Variants in HDX observed in about 807,000 individuals in gnomAD.
The protein encoded by HDX is chromosome X open reading frame 43.
In HDX, 19 loss-of-function variants were observed where a neutral mutation model predicts 45.2. The observed-to-expected ratio is 0.42, with a 90% CI of 0.29 to 0.62. The LOEUF (loss-of-function observed/expected upper bound fraction) is 0.62. Ranked by LOEUF, HDX falls within the 20% of genes least tolerant of loss-of-function variation. HDX has a pLI of 0.20. For missense variants in HDX, 532 were observed against 493.9 expected, an observed-to-expected ratio of 1.08 and a Z score of -0.73; for synonymous variants, 188 against 172.8, an observed-to-expected ratio of 1.09 and a Z score of -0.69.
At chrX:84,369,799 T>C (rs181488103) in intron 5 of HDX, among the ~76,000 whole-genome samples, 31 of 112,231 alleles carry the variant, frequency 2.8e-4, no homozygotes, top group Middle Eastern at 4.6e-3. Flanking sequence ...GGGTTATTTG[T>C]TTTTGGTATT....
At chrX:84,482,944 C>T (rs1174732518) in intron 2 of HDX, among the ~76,000 whole-genome samples, 1 of 111,856 alleles carries the variant, frequency 8.9e-6, no homozygotes, top group Admixed American at 9.5e-5. Flanking sequence ...AATAAATGGG[C>T]TATAGGCCTC....
chrX:84,377,411 A>C (rs1411747080), intron 5 of HDX, among the ~76,000 whole-genome samples: 1 of 111,750 alleles, frequency 8.9e-6, no homozygotes, highest in African/African-American at 3.3e-5. Context: ...AATAAGACAC[A>C]AGGGACTAAT....
At chrX:84,361,392 C>A in intron 6 of HDX, 74 bp downstream of exon 6, 1 of 945,370 alleles carries the variant, frequency 1.1e-6, no homozygotes, top group Non-Finnish European at 1.5e-6. Context: ...CTTGGAGCAC[C>A]TCATGTAAGA....
chrX:84,409,030 G>A (rs145493356), intron 5 of HDX, among the ~76,000 whole-genome samples: 12,461 of 110,108 alleles, frequency 0.11, 628 homozygotes, highest in South Asian at 0.27. Context: ...TTACAAGAAA[G>A]AAACAAACAA....
intron 5 of HDX, among the ~76,000 whole-genome samples, chrX:84,372,609 T>C (rs2037923295): frequency 8.9e-6 from 1 of 112,368 alleles, no homozygotes; most frequent in South Asian, 3.6e-4. Flanking sequence ...GTGTAAGTTC[T>C]TTTTTGTTCT....
chrX:84,332,319 A>T (rs1050497392), intron 9 of HDX, among the ~76,000 whole-genome samples: 5 of 111,950 alleles, frequency 4.5e-5, no homozygotes, highest in African/African-American at 1.6e-4. Flanking sequence ...CATATTTAAA[A>T]AATCCCTAAT....
intron 5 of HDX, among the ~76,000 whole-genome samples, chrX:84,364,813 G>T (rs2037709726): frequency 9.0e-6 from 1 of 110,713 alleles, no homozygotes; most frequent in African/African-American, 3.3e-5. Context: ...GGTTCTATGA[G>T]TTTGACTATT....
At chrX:84,423,988 A>G (rs1175246983) in intron 5 of HDX, among the ~76,000 whole-genome samples, 2 of 111,502 alleles carry the variant, frequency 1.8e-5, no homozygotes, top group African/African-American at 3.3e-5. Flanking sequence ...GACAACAGAA[A>G]GATATAAAGG....
intron 5 of HDX, among the ~76,000 whole-genome samples, chrX:84,375,027 T>A (rs1161798509): frequency 9.5e-6 from 1 of 104,990 alleles, no homozygotes; most frequent in East Asian, 3.0e-4. Context: ...GAATCTACAA[T>A]GAACTCAAAC....
intron 5 of HDX, among the ~76,000 whole-genome samples, chrX:84,428,666 T>C (rs1367586829): frequency 1.8e-5 from 2 of 111,179 alleles, no homozygotes; most frequent in Non-Finnish European, 3.8e-5. Context: ...GAAGTTTCAC[T>C]CTATTCCAAG....
At chrX:84,441,866 T>A (rs146741501) in intron 4 of HDX, among the ~76,000 whole-genome samples, 1,620 of 111,388 alleles carry the variant, frequency 0.015, 26 homozygotes, top group African/African-American at 0.051. Flanking sequence ...TTTACCTAAG[T>A]ACTCACACCC....
In HDX at chrX:84,452,318, C is replaced by G. The variant is rs996896841; in HGVS notation, c.1252-11733G>C. ...CAGATAAATTCAGTAAAATTGGAGACAGAAAATCAACATATTATAATAAGT... is the reference window on the plus strand; with the variant it reads ...CAGATAAATTCAGTAAAATTGGAGAGAGAAAATCAACATATTATAATAAGT... On this transcript the variant is annotated intron_variant, in intron 4 of 10. Transcript: ENST00000373177. Among the ~76,000 whole-genome samples the G allele has an allele frequency of 2.6e-4, 29 of 110,310 alleles. No individual in the cohort carries two copies. In the Admixed American group the frequency reaches 2.8e-3, roughly 11 times the overall value.
intron 5 of HDX, among the ~76,000 whole-genome samples, chrX:84,385,869 T>C (rs1334971916): frequency 1.0e-5 from 1 of 95,557 alleles, no homozygotes; most frequent in Non-Finnish European, 2.1e-5. Flanking sequence ...CTGGTGGCTC[T>C]TGCTAGCACT....
intron 6 of HDX, among the ~76,000 whole-genome samples, chrX:84,345,194 G>A (rs1219019720): frequency 1.8e-5 from 2 of 111,114 alleles, no homozygotes; most frequent in Admixed American, 9.6e-5. Flanking sequence ...TCTTCACTCC[G>A]TCTTCTCCAA....
intron 6 of HDX, among the ~76,000 whole-genome samples, chrX:84,345,836 G>A (rs2037190670): frequency 9.0e-6 from 1 of 111,154 alleles, no homozygotes; most frequent in South Asian, 3.7e-4. Context: ...TGTTCTCATA[G>A]GTGTGTGTAG....
intron 1 of HDX, chrX:84,500,325 A>G (rs986734081): frequency 9.0e-6 from 1 of 110,683 alleles, no homozygotes; most frequent in Non-Finnish European, 1.9e-5. Flanking sequence ...AAAAAAGAAC[A>G]TATATAGCTA....
intron 5 of HDX, among the ~76,000 whole-genome samples, chrX:84,437,066 T>C (rs915949979): frequency 1.8e-5 from 2 of 110,912 alleles, no homozygotes; most frequent in Non-Finnish European, 3.8e-5. Flanking sequence ...TCTACATAAA[T>C]TCACCTCACC....
chrX:84,405,185 A>C (rs1246969276), intron 5 of HDX, among the ~76,000 whole-genome samples: 1 of 110,674 alleles, frequency 9.0e-6, no homozygotes, highest in Non-Finnish European at 1.9e-5. Context: ...TCTATCCTTC[A>C]TAGAGAAGTT....
At chrX:84,419,261 T>G (rs142100531) in intron 5 of HDX, among the ~76,000 whole-genome samples, 1,329 of 109,836 alleles carry the variant, frequency 0.012, 8 homozygotes, top group Non-Finnish European at 0.019. Flanking sequence ...ACTGGACACT[T>G]AGACAGCATT....
Sources: allele counts gnomAD v4.1 joint callset (sites outside exome capture counted in the v4.1 genomes callset), GRCh38; gene constraint gnomAD v4.1.1; transcripts MANE v1.5; gene names NCBI Gene and HGNC (gene_info 2026-07-23, HGNC 2026-07-21).